The following TANGO6 variants were observed in gnomAD, a reference collection of about 807,000 sequenced individuals.
The protein encoded by TANGO6 is transport and golgi organization 6 homolog, also known as transport and Golgi organization protein 6 homolog.
In TANGO6, 90 loss-of-function variants were observed where a neutral mutation model predicts 114.2. The observed-to-expected ratio is 0.79, with a 90% CI of 0.66 to 0.94. TANGO6 has a LOEUF of 0.94. Among genes scored for constraint, TANGO6 ranks in the 40% least tolerant of loss-of-function variants. TANGO6 has a pLI of 0.00. For synonymous variants in TANGO6, 477 were observed against 509.8 expected, an observed-to-expected ratio of 0.94 and a Z score of 0.87; for missense variants, 1,274 against 1,315.3, an observed-to-expected ratio of 0.97 and a Z score of 0.49.
chr16:69,054,963 A>G (rs1056001631), intron 17 of TANGO6, among the ~76,000 whole-genome samples: 12 of 145,592 alleles, frequency 8.2e-5, no homozygotes, highest in African/African-American at 2.7e-4. Flanking sequence ...AAAAAAAAAA[A>G]ACTTCTGTTG....
chr16:69,080,845 A>G (rs1960453068), intron 17 of TANGO6, among the ~76,000 whole-genome samples: 1 of 152,162 alleles, frequency 6.6e-6, no homozygotes, highest in Admixed American at 6.6e-5. Context: ...TGGGGCTAAT[A>G]ACCTTCCTCT....
intron 17 of TANGO6, among the ~76,000 whole-genome samples, chr16:69,064,861 C>A (rs1028943434): frequency 1.3e-5 from 2 of 152,130 alleles, no homozygotes; most frequent in Non-Finnish European, 2.9e-5. Flanking sequence ...TCTAATCCCA[C>A]GTGGGAGGCT....
intron 15 of TANGO6, among the ~76,000 whole-genome samples, chr16:69,013,136 G>A (rs1220897043): frequency 1.3e-5 from 2 of 149,464 alleles, no homozygotes; most frequent in Non-Finnish European, 3.0e-5. Flanking sequence ...TTTTTAATAG[G>A]TTAGCACATA....
chr16:68,922,543 C>CA (rs1420888082), intron 12 of TANGO6, among the ~76,000 whole-genome samples: 1 of 150,542 alleles, frequency 6.6e-6, no homozygotes, highest in East Asian at 1.9e-4. Context: ...TCAAAACAAA[C>CA]AAACAAAAAT....
chr16:69,041,920 A>G (rs937921145), intron 17 of TANGO6, among the ~76,000 whole-genome samples: 2 of 152,230 alleles, frequency 1.3e-5, no homozygotes, highest in African/African-American at 4.8e-5. Flanking sequence ...CCTCATGGCT[A>G]CAAGATAGCT....
At chr16:69,006,187 G>A (rs370358665) in intron 15 of TANGO6, among the ~76,000 whole-genome samples, 2 of 152,074 alleles carry the variant, frequency 1.3e-5, no homozygotes, top group African/African-American at 4.8e-5. Context: ...GCAGATCACC[G>A]AAGAATCCAG....
chr16:68,999,816 A>G (rs901128818), intron 15 of TANGO6, among the ~76,000 whole-genome samples: 2 of 152,262 alleles, frequency 1.3e-5, no homozygotes, highest in African/African-American at 4.8e-5. Context: ...AGTTCAATCT[A>G]TGCAATTAAT....
intron 14 of TANGO6, among the ~76,000 whole-genome samples, chr16:68,962,654 A>G (rs1253372855): frequency 2.0e-5 from 3 of 152,070 alleles, no homozygotes; most frequent in African/African-American, 7.2e-5. Flanking sequence ...CCAGCTACTC[A>G]GGAGGCTGAG....
chr16:68,903,724 C>T (rs947549801), intron 9 of TANGO6, among the ~76,000 whole-genome samples: 58 of 151,444 alleles, frequency 3.8e-4, no homozygotes, highest in Non-Finnish European at 1.5e-4. Flanking sequence ...GAGTTCAAGA[C>T]CAGCCTGGCC....
chr16:68,951,602 G>A (rs1397880912), intron 14 of TANGO6, among the ~76,000 whole-genome samples: 1 of 150,564 alleles, frequency 6.6e-6, no homozygotes, highest in Non-Finnish European at 1.5e-5. Context: ...ACAACACCAT[G>A]GCCTCTGTTC....
At chr16:68,952,732 C>G (rs939716479) in intron 14 of TANGO6, among the ~76,000 whole-genome samples, 17 of 152,046 alleles carry the variant, frequency 1.1e-4, no homozygotes, top group African/African-American at 3.9e-4. Flanking sequence ...CTTGTGGTAT[C>G]TCTCCTGCCC....
At chr16:68,888,644 A>G (rs1410007398) in intron 7 of TANGO6, among the ~76,000 whole-genome samples, 1 of 152,094 alleles carries the variant, frequency 6.6e-6, no homozygotes, top group African/African-American at 2.4e-5. Context: ...TCTTTTCTCC[A>G]TCTAATCTTA....
chr16:68,974,883 T>C (rs1393414313), intron 15 of TANGO6, among the ~76,000 whole-genome samples: 1 of 151,970 alleles, frequency 6.6e-6, no homozygotes, highest in Non-Finnish European at 1.5e-5. Flanking sequence ...CTGGGTAACA[T>C]GGCAAAACCC....
intron 14 of TANGO6, among the ~76,000 whole-genome samples, chr16:68,960,775 A>G (rs955315656): frequency 6.6e-5 from 10 of 152,172 alleles, no homozygotes; most frequent in Admixed American, 5.9e-4. Context: ...CTGGGATTAC[A>G]GGCATGAGCC....
chr16:69,036,789 T>A (rs1185079918), intron 16 of TANGO6, among the ~76,000 whole-genome samples: 3 of 151,892 alleles, frequency 2.0e-5, no homozygotes, highest in Non-Finnish European at 2.9e-5. Flanking sequence ...ATGGCAAAAC[T>A]CCATCTCTAC....
At chr16:68,864,668 A>G (rs967109200) in intron 3 of TANGO6, among the ~76,000 whole-genome samples, 3 of 152,144 alleles carry the variant, frequency 2.0e-5, no homozygotes, top group African/African-American at 7.2e-5. Context: ...GGCTACAGAG[A>G]TATCTCCTAA....
At chr16:69,043,261 A>G (rs1959800339) in intron 17 of TANGO6, among the ~76,000 whole-genome samples, 1 of 146,548 alleles carries the variant, frequency 6.8e-6, no homozygotes, top group African/African-American at 2.5e-5. Context: ...AGTGAAAGTG[A>G]GAGCGAGCGA....
chr16:69,063,353 T>G (rs1960155784), intron 17 of TANGO6, among the ~76,000 whole-genome samples: 1 of 151,220 alleles, frequency 6.6e-6, no homozygotes, highest in Non-Finnish European at 1.5e-5. Context: ...TGAAACCCCG[T>G]CTCTACTAAA....
intron 17 of TANGO6, among the ~76,000 whole-genome samples, chr16:69,043,070 CA>C (rs1322583767): frequency 2.9e-4 from 44 of 152,050 alleles, no homozygotes; most frequent in African/African-American, 9.9e-4. Flanking sequence ...ACTAAAAATA[CA>C]AAAAAGTAGC....
Sources: allele counts gnomAD v4.1 joint callset (sites outside exome capture counted in the v4.1 genomes callset), GRCh38; gene constraint gnomAD v4.1.1; transcripts MANE v1.5; gene names NCBI Gene and HGNC (gene_info 2026-07-23, HGNC 2026-07-21).